Variants in BICD1 observed in about 807,000 individuals in gnomAD.
BICD1 encodes the protein protein bicaudal D homolog 1.
Under a neutral mutation model 92.5 loss-of-function variants are expected in BICD1, and 35 were observed. That is an observed-to-expected ratio of 0.38 (90% CI 0.29 to 0.50). BICD1 has a LOEUF of 0.50. BICD1 is among the 20% of genes least tolerant of loss of function. BICD1 has a pLI of 0.93. For missense variants in BICD1, 950 were observed against 1,189.8 expected (o/e 0.80, Z 2.97); for synonymous variants, 429 against 465.1 (o/e 0.92, Z 1.00).
chr12:32,370,658 G>A (rs7964583), intron 9 of BICD1, among the ~76,000 whole-genome samples: 55,837 of 152,026 alleles, frequency 0.37, 10,511 homozygotes, highest in African/African-American at 0.42. Context: ...TTTAACTTTG[G>A]AAAATTTCTT....
chr12:32,233,045 G>A (rs1945939781), intron 2 of BICD1, among the ~76,000 whole-genome samples: 1 of 152,126 alleles, frequency 6.6e-6, no homozygotes, highest in Non-Finnish European at 1.5e-5. Context: ...ACTGACATAG[G>A]TTTAAAAAAA....
At position 32,378,351 on chromosome 12, in the gene BICD1, T is replaced by C. The variant is rs2136350399; in HGVS notation, c.*724T>C. On this transcript the variant is annotated 3_prime_UTR_variant, in exon 10 of 10. Transcript: ENST00000652176. Reference sequence around the variant, plus strand: ...TGTATTTTTAACTAGAGTTCTTCACTGGACATTACTAAGTAAATCTAAGAA... The same window carrying C: ...TGTATTTTTAACTAGAGTTCTTCACCGGACATTACTAAGTAAATCTAAGAA... 1 of 152,240 alleles carries C rather than the reference T, an allele frequency of 6.6e-6. No homozygotes were observed. Among genetic ancestry groups the C allele is most frequent in the East Asian group, 1.9e-4 (1 of 5,204 alleles). The allele number at this position is 152,240 out of a possible 1,614,324, so 9.4% of individuals were successfully genotyped here. A position where few individuals can be genotyped will look rare whatever the true frequency, so the allele number is the denominator to read the frequency against.
At chr12:32,269,432 G>C (rs1443150093) in intron 2 of BICD1, among the ~76,000 whole-genome samples, 1 of 152,060 alleles carries the variant, frequency 6.6e-6, no homozygotes, top group Non-Finnish European at 1.5e-5. Flanking sequence ...TACTGTATAG[G>C]AACTATTAAG....
At chr12:32,195,938 C>T (rs1170190948) in intron 1 of BICD1, among the ~76,000 whole-genome samples, 1 of 152,104 alleles carries the variant, frequency 6.6e-6, no homozygotes, top group Admixed American at 6.5e-5. Context: ...TTTCACATAA[C>T]TCATTAGCAA....
intron 2 of BICD1, among the ~76,000 whole-genome samples, chr12:32,278,729 G>A (rs792866): frequency 0.61 from 93,305 of 151,934 alleles, 28,854 homozygotes; most frequent in South Asian, 0.71. Context: ...GTTGGCGGGC[G>A]CCTGTAGTCC....
At chr12:32,239,871 G>A (rs1352530547) in intron 2 of BICD1, among the ~76,000 whole-genome samples, 2 of 151,994 alleles carry the variant, frequency 1.3e-5, no homozygotes, top group Non-Finnish European at 2.9e-5. Context: ...TCCTCCCAAA[G>A]TGCTGGGATT....
At chr12:32,214,066 A>C (rs746842435) in intron 1 of BICD1, among the ~76,000 whole-genome samples, 3 of 152,182 alleles carry the variant, frequency 2.0e-5, no homozygotes, top group Admixed American at 6.5e-5. Flanking sequence ...TAATGTGGAT[A>C]TATAATTAGT....
chr12:32,142,413 AAAAAAAAAAAAAAAAAAAC>A (rs1184887902), intron 1 of BICD1, among the ~76,000 whole-genome samples: 1 of 68,900 alleles, frequency 1.5e-5, no homozygotes, highest in African/African-American at 7.1e-5. Context: ...TCTAAAAAAA[AAAAAAAAAAAAAAAAAAAC>A]AAAAAACCCC....
At chr12:32,295,656 C>CTTTTT (rs142531197) in intron 3 of BICD1, among the ~76,000 whole-genome samples, 6 of 140,678 alleles carry the variant, frequency 4.3e-5, no homozygotes, top group Non-Finnish European at 7.7e-5. Context: ...AATTTGATTT[C>CTTTTT]TTTTTTTTTT....
chr12:32,215,403 T>C (rs1945326414), intron 1 of BICD1, among the ~76,000 whole-genome samples: 1 of 152,236 alleles, frequency 6.6e-6, no homozygotes, highest in Non-Finnish European at 1.5e-5. Context: ...ATATATGTTT[T>C]CTTATACAGA....
At position 32,337,422 on chromosome 12, in the gene BICD1, T is replaced by G; in HGVS notation, c.2253-77T>G. 1 of 1,405,650 alleles carries G rather than the reference T, an allele frequency of 7.1e-7. No individual in the cohort carries two copies. The allele number at this position is 1,405,650 out of a possible 1,614,324, so 87.1% of individuals were successfully genotyped here. The stretch of plus-strand genomic sequence containing the variant: ...CTAAATTTCTAAATTTCGGTCAAAT[T>G]TATTACTTTTCAGCTTAACTCCCAA... On this transcript the variant is annotated intron_variant, in intron 6 of 9. Coordinates refer to ENST00000652176, the MANE Select transcript of BICD1 (RefSeq NM_001714.4). The surrounding 1 kb of genome is among the most constrained non-coding windows in gnomAD (Gnocchi z 4.7).
chr12:32,299,774 T>A (rs1035976728), intron 3 of BICD1, among the ~76,000 whole-genome samples: 1 of 152,218 alleles, frequency 6.6e-6, no homozygotes, highest in Non-Finnish European at 1.5e-5. Context: ...ATTGTGCCAC[T>A]GGACTCCTGC....
At chr12:32,129,319 T>A (rs2121286270) in intron 1 of BICD1, among the ~76,000 whole-genome samples, 1 of 150,318 alleles carries the variant, frequency 6.7e-6, no homozygotes, top group African/African-American at 2.4e-5. Context: ...AGGTCAGGAG[T>A]TGGAGACCAG....
intron 4 of BICD1, among the ~76,000 whole-genome samples, chr12:32,325,943 C>T (rs912391832): frequency 9.9e-5 from 15 of 151,634 alleles, no homozygotes; most frequent in Non-Finnish European, 1.9e-4. Flanking sequence ...ATTAGCTGGG[C>T]GTGGTCGTGG....
chr12:32,336,237 AC>A (rs1332335045), intron 6 of BICD1, among the ~76,000 whole-genome samples: 2 of 152,230 alleles, frequency 1.3e-5, no homozygotes, highest in Non-Finnish European at 1.5e-5. Context: ...CAGAAAAAAA[AC>A]AAAACAAAAT....
intron 5 of BICD1, among the ~76,000 whole-genome samples, chr12:32,330,233 C>A (rs80166879): frequency 0.056 from 8,581 of 152,074 alleles, 283 homozygotes; most frequent in South Asian, 0.14. Context: ...AACCTAAGGG[C>A]AAAATATGAC....
chr12:32,150,243 C>T (rs1197450452), intron 1 of BICD1, among the ~76,000 whole-genome samples: 1 of 152,188 alleles, frequency 6.6e-6, no homozygotes, highest in Non-Finnish European at 1.5e-5. Context: ...ACTGTATCAA[C>T]TATCATACCT....
chr12:32,279,502 AAAT>A, intron 2 of BICD1, among the ~76,000 whole-genome samples: 1 of 152,248 alleles, frequency 6.6e-6, no homozygotes, highest in Non-Finnish European at 1.5e-5. Context: ...TTATTGCTTA[AAAT>A]AATGTGTTCT....
intron 2 of BICD1, among the ~76,000 whole-genome samples, chr12:32,226,777 T>C (rs1945709170): frequency 6.6e-6 from 1 of 152,170 alleles, no homozygotes; most frequent in Non-Finnish European, 1.5e-5. Flanking sequence ...AGAAAAGCCA[T>C]AGGAAAGAAA....
Sources: gnomAD v4.1 joint callset for allele counts (sites outside exome capture counted in the v4.1 genomes callset) on GRCh38, gnomAD v4.1.1 for gene constraint, Gnocchi (gnomAD v3.1) non-coding constraint, MANE v1.5 for transcripts, NCBI Gene and HGNC (gene_info 2026-07-23, HGNC 2026-07-21) for gene names.